The following PLAAT1 variants were observed in gnomAD, a reference collection of about 807,000 sequenced individuals.
PLAAT1 encodes phospholipase A and acyltransferase 1, also known as H-REV107 protein-related protein.
A neutral mutation model predicts 16.4 loss-of-function variants in PLAAT1; 13 were observed. The observed-to-expected ratio is 0.79, with a 90% CI of 0.52 to 1.26. The LOEUF (loss-of-function observed/expected upper bound fraction) is 1.26, where lower values mean the gene tolerates loss of function less well. Among genes scored for constraint, PLAAT1 ranks in the 50% most tolerant of loss-of-function variants. The pLI is 0.00. For synonymous variants in PLAAT1, 73 were observed against 78.4 expected, an observed-to-expected ratio of 0.93 and a Z score of 0.36; for missense variants, 218 against 207.8, an observed-to-expected ratio of 1.05 and a Z score of -0.30.
At chr3:193,245,973 T>C (rs946281722) in intron 1 of PLAAT1, among the ~76,000 whole-genome samples, 1 of 152,238 alleles carries the variant, frequency 6.6e-6, no homozygotes, top group African/African-American at 2.4e-5. Context: ...TTCTCCCATT[T>C]CATGTGCAAG....
At chr3:193,242,603 T>C (rs1715814386) in intron 1 of PLAAT1, among the ~76,000 whole-genome samples, 2 of 151,998 alleles carry the variant, frequency 1.3e-5, no homozygotes, top group South Asian at 4.2e-4. Context: ...GGGACCAAGA[T>C]GGGGAGTCAG....
At chr3:193,281,261 C>G (rs1041837716), downstream of PLAAT1, 126 of 946,268 alleles carry the variant, frequency 1.3e-4, no homozygotes, top group Non-Finnish European at 1.5e-4. Context: ...TGATGAAGTC[C>G]TAGACCTCAC....
chr3:193,272,219 G>T (rs1717003940), downstream of PLAAT1, among the ~76,000 whole-genome samples: 1 of 152,100 alleles, frequency 6.6e-6, no homozygotes, highest in Admixed American at 6.6e-5. Flanking sequence ...CGAGGCAGGT[G>T]GATCATGAGG....
At chr3:193,278,019 G>C (rs1313253290), downstream of PLAAT1, among the ~76,000 whole-genome samples, 2 of 152,134 alleles carry the variant, frequency 1.3e-5, no homozygotes. Flanking sequence ...GGCCAGGCTG[G>C]TCTTGAACTC....
In PLAAT1 at chr3:193,263,100, C is replaced by A. The variant is rs757066266; in HGVS notation, c.270C>A (p.Tyr90Ter). Residue 90 changes from tyrosine (Y) to a stop codon, truncating the protein, a stop_gained, in exon 3 of 4, where the codon TAC becomes TAA. Transcript: ENST00000264735. LOFTEE classifies it high-confidence loss of function. ...TAAACAATAAATACGATGAAACGTA[C>A]CCCCCTCTCCCTGTGGAAGAAATCA... is the stretch of plus-strand genomic sequence containing the variant. ...YRINNKYDET[Y>*]PPLPVEEIIK... 14 of 1,613,934 alleles carry A rather than the reference C, an allele frequency of 8.7e-6. No homozygotes were observed. In the East Asian group the frequency reaches 3.1e-4, roughly 36 times the overall value.
chr3:193,277,300 C>G (rs948133322), intron 2 of PLAAT1, among the ~76,000 whole-genome samples: 74 of 152,096 alleles, frequency 4.9e-4, no homozygotes, highest in Non-Finnish European at 7.5e-4. Flanking sequence ...TTGCTTCTGG[C>G]CCTATGTCTG....
downstream of PLAAT1, among the ~76,000 whole-genome samples, chr3:193,280,850 C>T (rs1432400689): frequency 6.6e-6 from 1 of 152,164 alleles, no homozygotes; most frequent in Non-Finnish European, 1.5e-5. Context: ...TTCTCTTACA[C>T]TCTACCTCAT....
At chr3:193,273,052 C>A (rs184142222), downstream of PLAAT1, among the ~76,000 whole-genome samples, 1 of 152,146 alleles carries the variant, frequency 6.6e-6, no homozygotes, top group South Asian at 2.1e-4. Context: ...AGATCGTTAT[C>A]CACCAGAAAC....
Position 193,251,314 on chromosome 3 carries a change from G to A in PLAAT1, c.1-4337G>A, listed in dbSNP as rs139249040. Among the ~76,000 whole-genome samples the A allele has an allele frequency of 4.9e-3, 750 of 152,272 alleles. 7 individuals are homozygous for A. Among genetic ancestry groups the A allele is most frequent in the African/African-American group, 0.017 (715 of 41,562 alleles). The stretch of plus-strand genomic sequence containing the variant: ...AGAACAAACTAAGGAAAGAAGGTGG[G>A]AATGTTGTCCTTGTTTAGGCTTGAA... On this transcript the variant is annotated intron_variant, in intron 1 of 3. Coordinates refer to ENST00000264735, the MANE Select transcript of PLAAT1 (RefSeq NM_020386.5).
downstream of PLAAT1, among the ~76,000 whole-genome samples, chr3:193,278,813 C>T (rs963632797): frequency 1.3e-5 from 2 of 152,146 alleles, no homozygotes; most frequent in East Asian, 1.9e-4. Flanking sequence ...ATCTATGACT[C>T]GGAGATCAGG....
Position 193,241,375 on chromosome 3 carries a change from A to C in PLAAT1, c.-159A>C, listed in dbSNP as rs1715735161. 1 of 1,231,478 alleles carries C rather than the reference A, an allele frequency of 8.1e-7. No homozygotes were observed. The highest frequency in any genetic ancestry group is 4.1e-5 in the South Asian group (1 of 24,318). The allele number at this position is 1,231,478 out of a possible 1,614,324, so 76.3% of individuals were successfully genotyped here. A position where few individuals can be genotyped will look rare whatever the true frequency, so the allele number is the denominator to read the frequency against. ...GCGTTGGCCCTGGAGGACGGCCCCG[A>C]GTGATGGCTGGCGCCTGCCTCCCGG... On this transcript the variant is annotated 5_prime_UTR_variant, in exon 1 of 4. Coordinates refer to ENST00000264735, the MANE Select transcript of PLAAT1 (RefSeq NM_020386.5).
chr3:193,260,254 C>A (rs896331111), intron 2 of PLAAT1, among the ~76,000 whole-genome samples: 1 of 151,968 alleles, frequency 6.6e-6, no homozygotes, highest in African/African-American at 2.4e-5. Context: ...ATAAAAGTCC[C>A]AGAAGAAAAC....
downstream of PLAAT1, among the ~76,000 whole-genome samples, chr3:193,271,827 TGATTTA>T: frequency 6.6e-6 from 1 of 152,290 alleles, no homozygotes; most frequent in Non-Finnish European, 1.5e-5. Context: ...CCTATTAAAC[TGATTTA>T]GATTTTACCC....
chr3:193,242,494 TAACAA>T (rs1715808590), intron 1 of PLAAT1, among the ~76,000 whole-genome samples: 1 of 152,154 alleles, frequency 6.6e-6, no homozygotes, highest in South Asian at 2.1e-4. Context: ...GGTTCAGTAT[TAACAA>T]AAACAAAACA....
intron 1 of PLAAT1, among the ~76,000 whole-genome samples, chr3:193,244,956 A>G (rs1217485428): frequency 6.6e-6 from 1 of 152,214 alleles, no homozygotes; most frequent in East Asian, 1.9e-4. Flanking sequence ...CTACCACATT[A>G]GACATTCAGT....
At chr3:193,251,769 T>C (rs1298745606) in intron 1 of PLAAT1, among the ~76,000 whole-genome samples, 3 of 152,140 alleles carry the variant, frequency 2.0e-5, no homozygotes, top group African/African-American at 4.8e-5. Context: ...GATATTTTCT[T>C]CTTTGTCTAG....
At chr3:193,274,108 G>A (rs1331762274), downstream of PLAAT1, among the ~76,000 whole-genome samples, 2 of 152,072 alleles carry the variant, frequency 1.3e-5, no homozygotes, top group Non-Finnish European at 2.9e-5. Flanking sequence ...TCTGGGCATG[G>A]TAGCGGGTGC....
chr3:193,262,474 G>T (rs1340688872), intron 2 of PLAAT1, among the ~76,000 whole-genome samples: 4 of 151,712 alleles, frequency 2.6e-5, no homozygotes, highest in Non-Finnish European at 4.4e-5. Context: ...CCAAATTGAT[G>T]CCTAGTTGAA....
chr3:193,249,059 C>A (rs1304604934), intron 1 of PLAAT1, among the ~76,000 whole-genome samples: 2 of 152,036 alleles, frequency 1.3e-5, no homozygotes, highest in African/African-American at 4.8e-5. Context: ...TTCTTCTCTT[C>A]CTTTTTGAAG....
Sources: gnomAD v4.1 joint callset for allele counts (sites outside exome capture counted in the v4.1 genomes callset) on GRCh38, gnomAD v4.1.1 for gene constraint, MANE v1.5 for transcripts, NCBI Gene and HGNC (gene_info 2026-07-23, HGNC 2026-07-21) for gene names.